MIGA2: variants seen among roughly 807,000 people sequenced by gnomAD.
MIGA2 encodes the protein mitoguardin 2.
Under a neutral mutation model 69.9 loss-of-function variants are expected in MIGA2, and 36 were observed. That is an observed-to-expected ratio of 0.52 (90% CI 0.39 to 0.68). MIGA2 has a LOEUF of 0.68. MIGA2 is among the 30% of genes least tolerant of loss of function. MIGA2 has a pLI of 0.00. For synonymous variants in MIGA2, 333 were observed against 349.2 expected, an observed-to-expected ratio of 0.95 and a Z score of 0.52; for missense variants, 660 against 787.7, an observed-to-expected ratio of 0.84 and a Z score of 1.94.
At chr9:129,048,622 C>A in intron 4 of MIGA2, 83 bp downstream of exon 4, 1 of 1,028,586 alleles carries the variant, frequency 9.7e-7, no homozygotes, top group Non-Finnish European at 1.5e-6. Context: ...AGCTTATAGA[C>A]TGGTAGAGTC....
Position 129,068,721 on chromosome 9 carries a change from C to T in MIGA2, c.1405-355C>T, listed in dbSNP as rs759631820. The T allele has an allele frequency of 3.1e-5, 13 of 416,054 alleles. No homozygotes were observed. Among genetic ancestry groups the T allele is most frequent in the Non-Finnish European group, 5.3e-5 (12 of 227,046 alleles). The allele number at this position is 416,054 out of a possible 1,614,324, so 25.8% of individuals were successfully genotyped here. A position where few individuals can be genotyped will look rare whatever the true frequency, so the allele number is the denominator to read the frequency against. ...CCCCAGGAAGGCAAGCAGTAACGCTCCAGCAGCCGGGCTGTGCTGCCTGGG... is the reference window on the plus strand; with the variant it reads ...CCCCAGGAAGGCAAGCAGTAACGCTTCAGCAGCCGGGCTGTGCTGCCTGGG... On this transcript the variant is annotated intron_variant, in intron 13 of 15. Coordinates refer to ENST00000684074, the MANE Select transcript of MIGA2 (RefSeq NM_001329990.2). This position sits in a 1 kb window ranked among gnomAD's most constrained non-coding sequence, Gnocchi z 4.1.
chr9:129,068,448 A>G lies in MIGA2; in HGVS notation c.1404+116A>G. On this transcript the variant is annotated intron_variant, in intron 13 of 15. Transcript: ENST00000684074. The surrounding 1 kb of genome is among the most constrained non-coding windows in gnomAD (Gnocchi z 4.1). ...CCAGGGCTGGGCCCCCACCCCCTAG[A>G]TCCGCGGCTGCCAGGCCTGGGAGAC... The G allele has an allele frequency of 2.8e-6, 4 of 1,431,486 alleles. No homozygotes were observed. Among genetic ancestry groups the G allele is most frequent in the Non-Finnish European group, 3.8e-6 (4 of 1,060,172 alleles). 88.7% of individuals were successfully genotyped at this position (1,431,486 alleles called of 1,614,324 possible). A position where few individuals can be genotyped will look rare whatever the true frequency, so the allele number is the denominator to read the frequency against.
chr9:129,039,219 G>GTTTTA (rs1187957867), intron 1 of MIGA2, among the ~76,000 whole-genome samples: 2 of 136,620 alleles, frequency 1.5e-5, no homozygotes, highest in Non-Finnish European at 3.1e-5. Context: ...GTGTGTGTGT[G>GTTTTA]TTTTATTTTA....
chr9:129,042,526 G>C lies in MIGA2; in HGVS notation c.307+12G>C. Reference sequence around the variant, plus strand: ...TTCAGTGAAGAAAGGTAGGTGTGAGGTGGTGGGCATAGGCCTGACCTGAGG... The same window carrying C: ...TTCAGTGAAGAAAGGTAGGTGTGAGCTGGTGGGCATAGGCCTGACCTGAGG... On this transcript the variant is annotated intron_variant, in intron 3 of 15. Coordinates refer to ENST00000684074, the MANE Select transcript of MIGA2 (RefSeq NM_001329990.2). The C allele has an allele frequency of 1.3e-6, 2 of 1,549,340 alleles. No individual in the cohort carries two copies. The highest frequency in any genetic ancestry group is 1.7e-6 in the Non-Finnish European group (2 of 1,149,798).
chr9:129,059,349 G>C lies in MIGA2; in HGVS notation c.793+78G>C. 1 of 1,179,438 alleles carries C rather than the reference G, an allele frequency of 8.5e-7. No homozygotes were observed. Among genetic ancestry groups the C allele is most frequent in the African/African-American group, 1.5e-5 (1 of 65,966 alleles). The allele number at this position is 1,179,438 out of a possible 1,614,324, so 73.1% of individuals were successfully genotyped here. On this transcript the variant is annotated intron_variant, in intron 7 of 15. Transcript: ENST00000684074. This position sits in a 1 kb window ranked among gnomAD's most constrained non-coding sequence, Gnocchi z 5.6. ...GGTGAGGAGAAGTTGCGAGAACCGG[G>C]TCGTGGTTCTCTCAGTGCGTCCAAT... is the stretch of plus-strand genomic sequence containing the variant.
chr9:129,054,503 C>T (rs1324538332), intron 6 of MIGA2, among the ~76,000 whole-genome samples: 2 of 152,140 alleles, frequency 1.3e-5, no homozygotes, highest in African/African-American at 2.4e-5. Context: ...TGTACTTTGG[C>T]CATTCCCTTC....
chr9:129,051,977 C>A (rs1218223053), intron 6 of MIGA2, among the ~76,000 whole-genome samples: 1 of 152,108 alleles, frequency 6.6e-6, no homozygotes, highest in African/African-American at 2.4e-5. Context: ...AGGTGCCTAC[C>A]ACCACGCCCA....
intron 11 of MIGA2, among the ~76,000 whole-genome samples, chr9:129,067,108 C>A (rs534064102): frequency 8.7e-5 from 13 of 148,656 alleles, no homozygotes; most frequent in African/African-American, 3.2e-4. Context: ...TGCACTCCAG[C>A]CTAGGTGACA....
chr9:129,048,639 T>G, intron 4 of MIGA2, 100 bp downstream of exon 4: 1 of 892,044 alleles, frequency 1.1e-6, no homozygotes, highest in South Asian at 1.4e-5. Flanking sequence ...AGTCCATTCA[T>G]TCATTCTCTC....
At chr9:129,041,325 C>G (rs968887218) in intron 2 of MIGA2, among the ~76,000 whole-genome samples, 4 of 150,412 alleles carry the variant, frequency 2.7e-5, no homozygotes, top group African/African-American at 7.4e-5. Flanking sequence ...GAGCGAGACT[C>G]CGCCTCAAAA....
Position 129,070,786 on chromosome 9 carries a change from G to A in MIGA2, c.*333G>A, listed in dbSNP as rs1846639288. On this transcript the variant is annotated 3_prime_UTR_variant, in exon 16 of 16. Transcript: ENST00000684074. Reference sequence around the variant, plus strand: ...CTGCTGACAAGGGTGCTGGGAGGGTGGAGGTGAAGGATGGGGCCTAGAGCC... The same window carrying A: ...CTGCTGACAAGGGTGCTGGGAGGGTAGAGGTGAAGGATGGGGCCTAGAGCC... The A allele has an allele frequency of 5.7e-6, 2 of 349,128 alleles. No homozygotes were observed. The highest frequency in any genetic ancestry group is 1.1e-5 in the Non-Finnish European group (2 of 188,170). The allele number at this position is 349,128 out of a possible 1,614,324, so 21.6% of individuals were successfully genotyped here.
intron 5 of MIGA2, 93 bp from the exon 6 acceptor site, chr9:129,049,734 T>G: frequency 6.3e-7 from 1 of 1,595,436 alleles, no homozygotes; most frequent in Non-Finnish European, 8.5e-7. Flanking sequence ...TTCTTGCCCT[T>G]CAAGGCCCTC....
chr9:129,049,192 A>C (rs1220960998), intron 4 of MIGA2, among the ~76,000 whole-genome samples, 189 bp from the exon 5 acceptor site: 1 of 152,160 alleles, frequency 6.6e-6, no homozygotes, highest in South Asian at 2.1e-4. Flanking sequence ...CTTTCTATGA[A>C]GCACCATCAG....
chr9:129,067,061 G>A (rs1179681388), intron 11 of MIGA2, among the ~76,000 whole-genome samples: 9 of 149,796 alleles, frequency 6.0e-5, no homozygotes, highest in Admixed American at 1.3e-4. Flanking sequence ...GCGTGAACCC[G>A]GGAGGCAGAG....
In MIGA2 at chr9:129,070,312, C is replaced by T. The variant is rs17455601; in HGVS notation, c.1641C>T (p.Pro547=). Residue 547 remains proline (P), a synonymous_variant, in exon 16 of 16, where the codon CCC becomes CCT. Transcript: ENST00000684074. ...ACAATGTGCGCTACACGTCACTGCC[C>T]GCGCTGGCAGACGACATCCTGCAGC... ...DLDNVRYTSL[P]ALADDILQLS... 7.7e-5 allele frequency: 124 copies of T among 1,613,162 alleles called. 1 individual carries two copies. Among genetic ancestry groups the T allele is most frequent in the Middle Eastern group, 3.3e-4 (2 of 6,060 alleles).
Position 129,069,498 on chromosome 9 carries a change from C to A in MIGA2, c.1459-351C>A. 1 of 503,706 alleles carries A rather than the reference C, an allele frequency of 2.0e-6. No homozygotes were observed. The highest frequency in any genetic ancestry group is 3.6e-6 in the Non-Finnish European group (1 of 277,392). The allele number at this position is 503,706 out of a possible 1,614,324, so 31.2% of individuals were successfully genotyped here. Reference sequence around the variant, plus strand: ...GCCCCAGTCAGGCCCCTGTAATCTCCGCTCCCAGGCAGCGACTGGCTGTGC... The same window carrying A: ...GCCCCAGTCAGGCCCCTGTAATCTCAGCTCCCAGGCAGCGACTGGCTGTGC... On this transcript the variant is annotated intron_variant, in intron 14 of 15. Transcript: ENST00000684074. This position sits in a 1 kb window ranked among gnomAD's most constrained non-coding sequence, Gnocchi z 4.9.
chr9:129,045,441 C>CAAAAAA (rs766649271), intron 3 of MIGA2, among the ~76,000 whole-genome samples: 1 of 20,050 alleles, frequency 5.0e-5, no homozygotes, highest in African/African-American at 1.7e-4. Flanking sequence ...GACTCTGTCT[C>CAAAAAA]AAAAAAAAAA....
rs1846519511 is a variant in MIGA2 at position 129,069,034 on chromosome 9, G to C, written c.1405-42G>C. The C allele has an allele frequency of 1.2e-6, 2 of 1,612,472 alleles. No homozygotes were observed. The highest frequency in any genetic ancestry group is 2.7e-5 in the African/African-American group (2 of 74,904). On this transcript the variant is annotated intron_variant, in intron 13 of 15. Coordinates refer to ENST00000684074, the MANE Select transcript of MIGA2 (RefSeq NM_001329990.2). The surrounding 1 kb of genome is among the most constrained non-coding windows in gnomAD (Gnocchi z 4.9). The stretch of plus-strand genomic sequence containing the variant: ...GCAGAGGGCGAGGGGCTGTGGGCTA[G>C]GCCCATTTTGACACCCGGGGGACAT...
chr9:129,062,531 C>CAA (rs1161024946), intron 9 of MIGA2, among the ~76,000 whole-genome samples: 6 of 42,492 alleles, frequency 1.4e-4, no homozygotes, highest in Admixed American at 2.7e-4. Context: ...GACTCCATCT[C>CAA]AAAAAAAAAA....
Sources: gnomAD v4.1 joint callset for allele counts (sites outside exome capture counted in the v4.1 genomes callset) on GRCh38, gnomAD v4.1.1 for gene constraint, Gnocchi (gnomAD v3.1) non-coding constraint, MANE v1.5 for transcripts, NCBI Gene and HGNC (gene_info 2026-07-23, HGNC 2026-07-21) for gene names.